Variants in AP3B1 observed in about 807,000 individuals in gnomAD.
AP3B1 encodes AP-3 complex subunit beta-1.
A neutral mutation model predicts 132.5 loss-of-function variants in AP3B1; 61 were observed. The observed-to-expected ratio is 0.46, with a 90% CI of 0.37 to 0.57. The LOEUF (loss-of-function observed/expected upper bound fraction) is 0.57, where lower values mean the gene tolerates loss of function less well. AP3B1 is among the 20% of genes least tolerant of loss of function. The pLI, the probability that AP3B1 is intolerant of heterozygous loss-of-function variation, is 0.00. For missense variants in AP3B1, 1,120 were observed against 1,289.4 expected, an observed-to-expected ratio of 0.87 and a Z score of 2.01; for synonymous variants, 388 against 438.3, an observed-to-expected ratio of 0.89 and a Z score of 1.43.
Position 78,294,604 on chromosome 5 carries a change from G to C in AP3B1, c.-25C>G. The C allele has an allele frequency of 6.2e-7, 1 of 1,613,718 alleles. No homozygotes were observed. The highest frequency in any genetic ancestry group is 8.5e-7 in the Non-Finnish European group (1 of 1,180,040). On this transcript the variant is annotated 5_prime_UTR_variant, in exon 1 of 27. Coordinates refer to ENST00000255194, the MANE Select transcript of AP3B1 (RefSeq NM_003664.5). Reference sequence around the variant, plus strand: ...TTGCCGCGGTGCTGGCGGGTGCGGGGTTGGTCCTGCCGGGGGTTCTCTCCA... The same window carrying C: ...TTGCCGCGGTGCTGGCGGGTGCGGGCTTGGTCCTGCCGGGGGTTCTCTCCA...
intron 22 of AP3B1, among the ~76,000 whole-genome samples, chr5:78,072,999 C>G (rs960946364): frequency 3.3e-5 from 5 of 151,978 alleles, no homozygotes; most frequent in Non-Finnish European, 5.9e-5. Flanking sequence ...GGATTACAGG[C>G]GTGAGCCACC....
At chr5:78,084,646 T>A (rs1750162087) in intron 22 of AP3B1, among the ~76,000 whole-genome samples, 1 of 151,954 alleles carries the variant, frequency 6.6e-6, no homozygotes, top group South Asian at 2.1e-4. Flanking sequence ...TTTCCATTTC[T>A]ATTTTACAAG....
At chr5:78,194,147 C>T (rs553582541) in intron 7 of AP3B1, among the ~76,000 whole-genome samples, 55 of 152,044 alleles carry the variant, frequency 3.6e-4, no homozygotes, top group African/African-American at 1.3e-3. Context: ...GTAGAAAAAC[C>T]CCTTATGTAG....
intron 21 of AP3B1, among the ~76,000 whole-genome samples, chr5:78,090,877 T>A (rs2112205073): frequency 6.6e-6 from 1 of 152,192 alleles, no homozygotes; most frequent in East Asian, 1.9e-4. Context: ...AGCGGTGCAA[T>A]CCCTTCCTGG....
intron 22 of AP3B1, among the ~76,000 whole-genome samples, chr5:78,063,267 C>T (rs573408201): frequency 3.5e-4 from 53 of 152,320 alleles, no homozygotes; most frequent in Admixed American, 2.6e-4. Flanking sequence ...ACCTACAGCT[C>T]ATTTCCACAG....
At chr5:78,157,059 T>C (rs958447834) in intron 13 of AP3B1, among the ~76,000 whole-genome samples, 3 of 151,992 alleles carry the variant, frequency 2.0e-5, no homozygotes, top group Non-Finnish European at 2.9e-5. Context: ...GTTTAGTCAA[T>C]AGAAAGCTTC....
intron 7 of AP3B1, among the ~76,000 whole-genome samples, chr5:78,207,477 G>A (rs1002396926): frequency 2.6e-5 from 4 of 151,720 alleles, no homozygotes; most frequent in African/African-American, 9.7e-5. Flanking sequence ...AAAATATGAT[G>A]GACATGGTAG....
At chr5:78,143,117 G>T (rs1028952170) in intron 14 of AP3B1, among the ~76,000 whole-genome samples, 1 of 151,906 alleles carries the variant, frequency 6.6e-6, no homozygotes, top group Non-Finnish European at 1.5e-5. Flanking sequence ...TATATTGCTA[G>T]TATAAAAATC....
intron 17 of AP3B1, among the ~76,000 whole-genome samples, chr5:78,120,842 C>T (rs964378311): frequency 1.3e-5 from 2 of 152,188 alleles, no homozygotes; most frequent in Non-Finnish European, 2.9e-5. Flanking sequence ...ACCAAGCAGA[C>T]CTAATAGACA....
At chr5:78,044,900 C>T (rs1283274871) in intron 22 of AP3B1, among the ~76,000 whole-genome samples, 4 of 152,332 alleles carry the variant, frequency 2.6e-5, no homozygotes, top group African/African-American at 7.2e-5. Context: ...ATTCTTTCCA[C>T]ATTCAACCAA....
intron 22 of AP3B1, among the ~76,000 whole-genome samples, chr5:78,064,021 G>C (rs979266966): frequency 2.0e-5 from 3 of 151,444 alleles, no homozygotes; most frequent in African/African-American, 4.8e-5. Flanking sequence ...CTTGCAGGGG[G>C]GGTCGGGCAG....
At chr5:78,238,618 A>G (rs914878684) in intron 3 of AP3B1, among the ~76,000 whole-genome samples, 3 of 152,170 alleles carry the variant, frequency 2.0e-5, no homozygotes, top group Admixed American at 1.3e-4. Flanking sequence ...GTATCTAAAC[A>G]TAGAAAAAGT....
At chr5:78,117,341 G>A (rs1054590698) in intron 17 of AP3B1, among the ~76,000 whole-genome samples, 3 of 148,318 alleles carry the variant, frequency 2.0e-5, no homozygotes, top group Non-Finnish European at 3.0e-5. Context: ...ACGGAGTCTC[G>A]CTCCGTCGCC....
intron 21 of AP3B1, among the ~76,000 whole-genome samples, chr5:78,095,422 A>G (rs531814649): frequency 5.3e-5 from 8 of 152,332 alleles, no homozygotes; most frequent in African/African-American, 1.9e-4. Context: ...ACATTTTAGT[A>G]TCTGAGCAAC....
At chr5:78,185,751 T>A (rs571200835) in intron 7 of AP3B1, among the ~76,000 whole-genome samples, 1 of 152,296 alleles carries the variant, frequency 6.6e-6, no homozygotes, top group South Asian at 2.1e-4. Context: ...GTACCCATAG[T>A]CTTAGCTGCT....
chr5:78,073,482 T>C (rs1308503294), intron 22 of AP3B1, among the ~76,000 whole-genome samples: 1 of 152,194 alleles, frequency 6.6e-6, no homozygotes, highest in African/African-American at 2.4e-5. Flanking sequence ...CAACAAAATT[T>C]GAAATATAGC....
At chr5:78,291,664 T>C (rs1397803749) in intron 1 of AP3B1, among the ~76,000 whole-genome samples, 3 of 152,038 alleles carry the variant, frequency 2.0e-5, no homozygotes, top group African/African-American at 7.2e-5. Context: ...AATCCTTAGA[T>C]ATGTCAAATT....
intron 17 of AP3B1, among the ~76,000 whole-genome samples, chr5:78,118,402 G>T (rs950952210): frequency 6.6e-6 from 1 of 152,206 alleles, no homozygotes; most frequent in African/African-American, 2.4e-5. Context: ...AGCGCAAGGG[G>T]TCAGGGAGTT....
chr5:78,177,348 C>A lies in AP3B1; in HGVS notation c.1031G>T (p.Arg344Leu), dbSNP rs765852823. The change falls in exon 9 of 27, where the codon CGT becomes CTT. Residue 344 changes from arginine (R) to leucine (L), a missense_variant. Arg to Leu is a moderately radical substitution (Grantham distance 102). Around this residue, in one of 3 missense-constraint regions of AP3B1, gnomAD observed 906 missense variants for 997.1 expected, o/e 0.91. Transcript: ENST00000255194. ...TAAAATCATGACCTACCTATTGCTA[C>A]GAAGTAAACGCACTAGTGATTTAGA... ...IISKSLVRLLRSNREVQYIVL... is the reference protein window; with the variant it reads ...IISKSLVRLLLSNREVQYIVL... 1.2e-6 allele frequency: 2 copies of A among 1,611,628 alleles called. No homozygotes were observed. Among genetic ancestry groups the A allele is most frequent in the Non-Finnish European group, 1.7e-6 (2 of 1,177,856 alleles).
Sources: gnomAD v4.1 joint callset for allele counts (sites outside exome capture counted in the v4.1 genomes callset) on GRCh38, gnomAD v4.1.1 for gene constraint, gnomAD v4.1.1 regional missense constraint, MANE v1.5 for transcripts, NCBI Gene and HGNC (gene_info 2026-07-23, HGNC 2026-07-21) for gene names.